Variants in LRP1B observed in about 807,000 individuals in gnomAD.
LRP1B encodes low-density lipoprotein receptor-related protein 1B.
In LRP1B, 217 loss-of-function variants were observed where a neutral mutation model predicts 556.6. The ratio of observed to expected loss-of-function variants is 0.39; its 90% CI spans 0.35 to 0.44. LRP1B has a LOEUF of 0.44. Ranked by LOEUF, LRP1B falls within the 20% of genes least tolerant of loss-of-function variation. LRP1B has a pLI of 1.00. For missense variants in LRP1B, 5,053 were observed against 5,620.8 expected, an observed-to-expected ratio of 0.90 and a Z score of 3.23; for synonymous variants, 2,047 against 1,865.8, an observed-to-expected ratio of 1.10 and a Z score of -2.50.
chr2:141,273,190 T>TCC (rs1304537338), intron 3 of LRP1B, among the ~76,000 whole-genome samples: 1 of 151,976 alleles, frequency 6.6e-6, no homozygotes, highest in Non-Finnish European at 1.5e-5. Context: ...ATGCCTGTAC[T>TCC]CCCAGCTACT....
rs775286891 is a variant in LRP1B at position 141,273,046 on chromosome 2, C to T, written c.344-18405G>A. On this transcript the variant is annotated intron_variant, in intron 3 of 90. Coordinates refer to ENST00000389484, the MANE Select transcript of LRP1B (RefSeq NM_018557.3). Reference sequence around the variant, plus strand: ...CACTTATGCCAGGCGGGGTGGCTCACGCCTGTAATCCCAGCACTTTTGGAG... The same window carrying T: ...CACTTATGCCAGGCGGGGTGGCTCATGCCTGTAATCCCAGCACTTTTGGAG... Among the ~76,000 whole-genome samples, 20 of 152,256 alleles carry T rather than the reference C, an allele frequency of 1.3e-4. No individual in the cohort carries two copies. In the Middle Eastern group the frequency reaches 0.014, roughly 104 times the overall value.
chr2:141,799,120 T>G (rs1411695901), intron 2 of LRP1B, among the ~76,000 whole-genome samples: 3 of 152,120 alleles, frequency 2.0e-5, no homozygotes, highest in Non-Finnish European at 4.4e-5. Context: ...TGTGTGGTGT[T>G]TTTTTAAGGC....
chr2:141,615,948 T>G (rs1688281684), intron 2 of LRP1B, among the ~76,000 whole-genome samples: 1 of 152,124 alleles, frequency 6.6e-6, no homozygotes, highest in African/African-American at 2.4e-5. Context: ...ATGACTGTCT[T>G]TATTCTTAAG....
chr2:141,358,340 A>C (rs2105557452), intron 3 of LRP1B, among the ~76,000 whole-genome samples: 1 of 152,308 alleles, frequency 6.6e-6, no homozygotes, highest in African/African-American at 2.4e-5. Flanking sequence ...GTAACAATGA[A>C]ACCAATGAGC....
At chr2:140,985,417 ATAT>A (rs151220246) in intron 17 of LRP1B, among the ~76,000 whole-genome samples, 4,848 of 150,858 alleles carry the variant, frequency 0.032, 172 homozygotes, top group African/African-American at 0.087. Flanking sequence ...AGAAGAGCAA[ATAT>A]TATGTAATCT....
At chr2:141,071,708 T>C (rs915415278) in intron 7 of LRP1B, among the ~76,000 whole-genome samples, 1 of 151,976 alleles carries the variant, frequency 6.6e-6, no homozygotes, top group African/African-American at 2.4e-5. Context: ...TATACACCAA[T>C]AACAGACAAA....
intron 15 of LRP1B, among the ~76,000 whole-genome samples, chr2:140,998,503 A>G (rs1418227375): frequency 6.6e-6 from 1 of 151,990 alleles, no homozygotes; most frequent in Non-Finnish European, 1.5e-5. Context: ...AGCTTTACAC[A>G]TGCTTCTCAG....
chr2:140,613,352 A>T (rs187971483), intron 41 of LRP1B, among the ~76,000 whole-genome samples: 6 of 88,840 alleles, frequency 6.8e-5, no homozygotes, highest in East Asian at 3.0e-4. Flanking sequence ...TATAAATATA[A>T]ATAATTATAT....
intron 1 of LRP1B, among the ~76,000 whole-genome samples, chr2:142,116,092 C>T (rs535768804): frequency 1.4e-5 from 2 of 143,722 alleles, no homozygotes; most frequent in East Asian, 4.1e-4. Context: ...TTGCATATGC[C>T]TGTAGTCCCA....
At chr2:141,323,115 A>C (rs1211285934) in intron 3 of LRP1B, among the ~76,000 whole-genome samples, 1 of 152,056 alleles carries the variant, frequency 6.6e-6, no homozygotes, top group Non-Finnish European at 1.5e-5. Flanking sequence ...GCTACTACTA[A>C]TGTCTTCACT....
Position 141,172,479 on chromosome 2 carries a change from T to C in LRP1B, c.1013+15942A>G, listed in dbSNP as rs937952874. On this transcript the variant is annotated intron_variant, in intron 7 of 90. Coordinates refer to ENST00000389484, the MANE Select transcript of LRP1B (RefSeq NM_018557.3). ...CGTGATCCTTTATATTTACTCATAA[T>C]CTTACTGACTAAAATGAATATTCTT... Among the ~76,000 whole-genome samples the C allele has an allele frequency of 2.6e-5, 4 of 152,088 alleles. No homozygotes were observed. The East Asian group carries it at 7.7e-4, about 29-fold the overall frequency.
At chr2:141,902,530 G>A (rs1699649781) in intron 1 of LRP1B, among the ~76,000 whole-genome samples, 1 of 151,964 alleles carries the variant, frequency 6.6e-6, no homozygotes, top group East Asian at 1.9e-4. Context: ...TCACAGAGAA[G>A]AGTAGAATAG....
chr2:140,969,101 C>T (rs200379544), intron 18 of LRP1B, among the ~76,000 whole-genome samples: 4 of 152,084 alleles, frequency 2.6e-5, no homozygotes, highest in Admixed American at 6.5e-5. Flanking sequence ...CTTTCTGTCT[C>T]GTTGATCTGT....
intron 2 of LRP1B, among the ~76,000 whole-genome samples, chr2:141,538,415 A>G (rs1201409930): frequency 6.6e-6 from 1 of 152,102 alleles, no homozygotes; most frequent in East Asian, 1.9e-4. Context: ...TCCTGGAATC[A>G]CCACTAAAAA....
rs149762127 is a variant in LRP1B at position 140,922,968 on chromosome 2, T to C, written c.3316A>G (p.Thr1106Ala). ...DHKTKFSCWS[T>A]GRCINKAWVC... ...GCCAAAAGCAATGTTCACTTACCTG[T>C]ACTCCAACAGGAAAACTTGGTTTTG... The change falls in exon 21 of 91, where the codon ACA (threonine) becomes GCA (alanine). Residue 1106 changes from threonine (T) to alanine (A), a missense_variant. Thr to Ala is a moderately conservative substitution (Grantham distance 58). Around this residue, in one of 5 missense-constraint regions of LRP1B, gnomAD observed 3,619 missense variants for 3,931.9 expected, o/e 0.92. Coordinates refer to ENST00000389484, the MANE Select transcript of LRP1B (RefSeq NM_018557.3). 1.2e-6 allele frequency: 2 copies of C among 1,612,166 alleles called. No individual in the cohort carries two copies. Among genetic ancestry groups the C allele is most frequent in the Non-Finnish European group, 1.7e-6 (2 of 1,178,828 alleles).
intron 3 of LRP1B, among the ~76,000 whole-genome samples, chr2:141,448,360 G>A (rs913896917): frequency 2.6e-5 from 4 of 152,180 alleles, no homozygotes; most frequent in Non-Finnish European, 4.4e-5. Flanking sequence ...GCTCTGTGGG[G>A]TGGGATCTGC....
chr2:141,066,093 T>C (rs922969491), intron 7 of LRP1B, among the ~76,000 whole-genome samples: 5 of 152,130 alleles, frequency 3.3e-5, no homozygotes, highest in African/African-American at 1.2e-4. Context: ...AAAATTAATA[T>C]TAAAAGACAC....
At chr2:141,492,179 T>G (rs1179449887) in intron 2 of LRP1B, among the ~76,000 whole-genome samples, 2 of 151,730 alleles carry the variant, frequency 1.3e-5, no homozygotes, top group Non-Finnish European at 2.9e-5. Context: ...GTTCTCAGAT[T>G]AAGAAACAAT....
At chr2:141,159,890 G>T (rs1217825151) in intron 7 of LRP1B, among the ~76,000 whole-genome samples, 1 of 152,092 alleles carries the variant, frequency 6.6e-6, no homozygotes, top group African/African-American at 2.4e-5. Flanking sequence ...ACTAACACAG[G>T]AACAGAAAAC....
Sources: gnomAD v4.1 joint callset for allele counts (sites outside exome capture counted in the v4.1 genomes callset) on GRCh38, gnomAD v4.1.1 for gene constraint, gnomAD v4.1.1 regional missense constraint, MANE v1.5 for transcripts, NCBI Gene and HGNC (gene_info 2026-07-23, HGNC 2026-07-21) for gene names.